Variants in FOXK1 observed in about 807,000 individuals in gnomAD.
FOXK1 encodes the protein forkhead box protein K1.
A neutral mutation model predicts 51.9 loss-of-function variants in FOXK1; 19 were observed. The ratio of observed to expected loss-of-function variants is 0.37; its 90% CI spans 0.26 to 0.54. The LOEUF is 0.54. Among genes scored for constraint, FOXK1 ranks in the 20% least tolerant of loss-of-function variants. The probability of loss-of-function intolerance (pLI) is 0.87; values close to 1 mark genes in which losing one functional copy is unlikely to be tolerated. For synonymous variants in FOXK1, 537 were observed against 482.6 expected, an observed-to-expected ratio of 1.11 and a Z score of -1.48; for missense variants, 870 against 1,032.7, an observed-to-expected ratio of 0.84 and a Z score of 2.16.
intron 2 of FOXK1, among the ~76,000 whole-genome samples, chr7:4,751,703 T>C (rs1035922359): frequency 2.6e-5 from 4 of 152,208 alleles, no homozygotes; most frequent in African/African-American, 9.6e-5. Context: ...GGAGGAGCCA[T>C]GTGAACAAAC....
chr7:4,689,909 A>C (rs559889765), intron 1 of FOXK1, among the ~76,000 whole-genome samples: 1 of 152,146 alleles, frequency 6.6e-6, no homozygotes, highest in Non-Finnish European at 1.5e-5. Flanking sequence ...CTGGTGCAGG[A>C]GTGGGCGTAT....
At chr7:4,720,756 ATGGCGCGATCTCGGTGCAG>A (rs1249409150) in intron 1 of FOXK1, among the ~76,000 whole-genome samples, 6 of 150,582 alleles carry the variant, frequency 4.0e-5, no homozygotes, top group Admixed American at 6.6e-5. Context: ...GTGGAGTGCA[ATGGCGCGATCTCGGTGCAG>A]TGGCGCGATC....
rs1780725931 is a variant in FOXK1 at position 4,747,904 on chromosome 7, G to C, written c.747-6555G>C. On this transcript the variant is annotated intron_variant, in intron 2 of 8. Coordinates refer to ENST00000328914, the MANE Select transcript of FOXK1 (RefSeq NM_001037165.2). This position sits in a 1 kb window ranked among gnomAD's most constrained non-coding sequence, Gnocchi z 9.2. ...TCTGACACCCAGGCCGGAGTGCAGT[G>C]GTCCGGTCACGGCTCGCTGCAGCCT... 6.6e-6 allele frequency among the ~76,000 whole-genome samples: 1 copy of C among 151,510 alleles called. No homozygotes were observed. Among genetic ancestry groups the C allele is most frequent in the Admixed American group, 6.6e-5 (1 of 15,240 alleles).
chr7:4,717,742 C>T (rs959663937), intron 1 of FOXK1, among the ~76,000 whole-genome samples: 13 of 152,128 alleles, frequency 8.5e-5, no homozygotes, highest in South Asian at 2.1e-4. Context: ...CACGAGGAGG[C>T]GCTTGAACCC....
rs776059602 is a variant in FOXK1 at position 4,745,207 on chromosome 7, G to T, written c.746+4184G>T. Among the ~76,000 whole-genome samples the T allele has an allele frequency of 4.2e-4, 64 of 152,114 alleles. No homozygotes were observed. The highest frequency in any genetic ancestry group is 2.5e-4 in the Non-Finnish European group (17 of 68,020). ...CCCAGTGCCGCCCCGCCCCCGCGGT[G>T]CCTGCCTTCCTAATTTGGTGTGCAT... On this transcript the variant is annotated intron_variant, in intron 2 of 8. Transcript: ENST00000328914. This position sits in a 1 kb window ranked among gnomAD's most constrained non-coding sequence, Gnocchi z 4.3.
In FOXK1 at chr7:4,761,384, C is replaced by T; in HGVS notation, c.1921+96C>T. 2 of 1,217,586 alleles carry T rather than the reference C, an allele frequency of 1.6e-6. No individual in the cohort carries two copies. Among genetic ancestry groups the T allele is most frequent in the East Asian group, 2.5e-5 (1 of 39,300 alleles). 75.4% of individuals were successfully genotyped at this position (1,217,586 alleles called of 1,614,324 possible). On this transcript the variant is annotated intron_variant, in intron 8 of 8. Coordinates refer to ENST00000328914, the MANE Select transcript of FOXK1 (RefSeq NM_001037165.2). This position sits in a 1 kb window ranked among gnomAD's most constrained non-coding sequence, Gnocchi z 6.2. ...GAATGTTCTCCCAGTATCTCCCGAT[C>T]CTCCACTCAGTTCAATTTATTGAGC...
intron 1 of FOXK1, among the ~76,000 whole-genome samples, chr7:4,688,778 C>T (rs561595357): frequency 6.6e-6 from 1 of 152,202 alleles, no homozygotes; most frequent in East Asian, 1.9e-4. Flanking sequence ...TGTGTCCCTC[C>T]CCCTTGTCAT....
Position 4,748,843 on chromosome 7 carries a change from T to A in FOXK1, c.747-5616T>A, listed in dbSNP as rs958726680. 6.6e-6 allele frequency among the ~76,000 whole-genome samples: 1 copy of A among 152,136 alleles called. No individual in the cohort carries two copies. Among genetic ancestry groups the A allele is most frequent in the Non-Finnish European group, 1.5e-5 (1 of 68,022 alleles). On this transcript the variant is annotated intron_variant, in intron 2 of 8. Coordinates refer to ENST00000328914, the MANE Select transcript of FOXK1 (RefSeq NM_001037165.2). This position sits in a 1 kb window ranked among gnomAD's most constrained non-coding sequence, Gnocchi z 4.9. ...ACAGGTGTGCACCACCATGCCCGGC[T>A]AATTTTTGTATTTTTTGTAGAGGTG... is the stretch of plus-strand genomic sequence containing the variant.
chr7:4,770,261 GC>G lies in FOXK1; in HGVS notation c.*7798del, dbSNP rs943404681. On this transcript the variant is annotated 3_prime_UTR_variant, in exon 9 of 9. Transcript: ENST00000328914. ...TTTAAAATCAAATATTTGGCCAGGT[GC>G]GGTGGCTCATGCCCGTAATCCCAGC... is the stretch of plus-strand genomic sequence containing the variant. 1.7e-4 allele frequency: 26 copies of G among 152,128 alleles called. No homozygotes were observed. Among genetic ancestry groups the G allele is most frequent in the African/African-American group, 6.3e-4 (26 of 41,490 alleles). The allele number at this position is 152,128 out of a possible 1,614,324, so 9.4% of individuals were successfully genotyped here.
At chr7:4,751,270 C>T (rs867457298) in intron 2 of FOXK1, among the ~76,000 whole-genome samples, 1 of 151,664 alleles carries the variant, frequency 6.6e-6, no homozygotes, top group Non-Finnish European at 1.5e-5. Flanking sequence ...CCACCCTCCT[C>T]GGGTAATCCC....
chr7:4,691,093 A>G (rs1326684495), intron 1 of FOXK1, among the ~76,000 whole-genome samples: 1 of 152,128 alleles, frequency 6.6e-6, no homozygotes, highest in African/African-American at 2.4e-5. Flanking sequence ...AGGATAAAAA[A>G]CAGAATGTGC....
intron 1 of FOXK1, among the ~76,000 whole-genome samples, chr7:4,732,198 G>A (rs1164655568): frequency 6.6e-6 from 1 of 152,300 alleles, no homozygotes; most frequent in South Asian, 2.1e-4. Flanking sequence ...GTCTGATGAC[G>A]TTGCTTGGAA....
rs572287584 is a variant in FOXK1 at position 4,760,425 on chromosome 7, A to G, written c.1697-639A>G. On this transcript the variant is annotated intron_variant, in intron 7 of 8. Coordinates refer to ENST00000328914, the MANE Select transcript of FOXK1 (RefSeq NM_001037165.2). ...TCCTCTCCGCGGTGGTGTTTGTTTC[A>G]ATGCTGCCGTAATGAAACTGCAGTT... 8.3e-4 allele frequency among the ~76,000 whole-genome samples: 126 copies of G among 152,324 alleles called. 1 individual carries two copies. The highest frequency in any genetic ancestry group is 2.9e-3 in the African/African-American group (121 of 41,570).
At chr7:4,732,372 G>A (rs973473172) in intron 1 of FOXK1, among the ~76,000 whole-genome samples, 4 of 152,018 alleles carry the variant, frequency 2.6e-5, no homozygotes, top group South Asian at 2.1e-4. Context: ...AGCCCACTGC[G>A]GCCTCCGCTG....
chr7:4,713,246 T>C (rs1780195905), intron 1 of FOXK1, among the ~76,000 whole-genome samples: 2 of 152,236 alleles, frequency 1.3e-5, no homozygotes, highest in Non-Finnish European at 2.9e-5. Flanking sequence ...ATTATTTCTT[T>C]TCTGTACTGA....
Position 4,728,027 on chromosome 7 carries a change from A to G in FOXK1, c.561-12811A>G, listed in dbSNP as rs569928316. On this transcript the variant is annotated intron_variant, in intron 1 of 8. Coordinates refer to ENST00000328914, the MANE Select transcript of FOXK1 (RefSeq NM_001037165.2). ...CAGACATTTCCAGGGGCCCTTCCCC[A>G]GCCATGTTTAGTGGCACTGACCTCA... 3.0e-3 allele frequency among the ~76,000 whole-genome samples: 455 copies of G among 152,290 alleles called. 2 individuals are homozygous for G. The highest frequency in any genetic ancestry group is 3.9e-3 in the Non-Finnish European group (268 of 68,016).
intron 1 of FOXK1, among the ~76,000 whole-genome samples, chr7:4,708,244 T>C (rs1219760579): frequency 1.3e-5 from 2 of 152,168 alleles, no homozygotes; most frequent in Non-Finnish European, 2.9e-5. Flanking sequence ...GTTTTTATCC[T>C]GGCTGGCAGA....
At position 4,759,459 on chromosome 7, in the gene FOXK1, C is replaced by T. The variant is rs1158157407; in HGVS notation, c.1560C>T (p.Pro520=). The change falls in exon 7 of 9, where the codon CCC becomes CCT. Residue 520 remains proline, a synonymous_variant. Coordinates refer to ENST00000328914, the MANE Select transcript of FOXK1 (RefSeq NM_001037165.2). The part of the protein sequence containing the change: ...GHAIHVVQQA[P]TVTMVRVVTT... Reference sequence around the variant, plus strand: ...CCATCCACGTCGTGCAGCAGGCCCCCACCGTCACCATGGTCAGGGTGGTCA... The same window carrying T: ...CCATCCACGTCGTGCAGCAGGCCCCTACCGTCACCATGGTCAGGGTGGTCA... 1 of 1,591,458 alleles carries T rather than the reference C, an allele frequency of 6.3e-7. No individual in the cohort carries two copies. Among genetic ancestry groups the T allele is most frequent in the Admixed American group, 1.7e-5 (1 of 58,056 alleles).
At chr7:4,728,010 T>C (rs1780402507) in intron 1 of FOXK1, among the ~76,000 whole-genome samples, 1 of 152,180 alleles carries the variant, frequency 6.6e-6, no homozygotes, top group Non-Finnish European at 1.5e-5. Context: ...CACAGACATT[T>C]CCAGGGGCCC....
Sources: gnomAD v4.1 joint callset for allele counts (sites outside exome capture counted in the v4.1 genomes callset) on GRCh38, gnomAD v4.1.1 for gene constraint, Gnocchi (gnomAD v3.1) non-coding constraint, MANE v1.5 for transcripts, NCBI Gene and HGNC (gene_info 2026-07-23, HGNC 2026-07-21) for gene names.